The following THSD7B variants were observed in gnomAD, a reference collection of about 807,000 sequenced individuals.
The protein encoded by THSD7B is thrombospondin type 1 domain containing 7B.
In THSD7B, 138 loss-of-function variants were observed where a neutral mutation model predicts 213.6. The observed-to-expected ratio is 0.65, with a 90% CI of 0.56 to 0.74. The LOEUF is 0.74. Among genes scored for constraint, THSD7B ranks in the 30% least tolerant of loss-of-function variants. THSD7B has a pLI of 0.00. For missense variants in THSD7B, 1,931 were observed against 1,991.5 expected, an observed-to-expected ratio of 0.97 and a Z score of 0.58; for synonymous variants, 742 against 687.0, an observed-to-expected ratio of 1.08 and a Z score of -1.25.
At chr2:137,630,940 G>A (rs1386167966) in intron 20 of THSD7B, among the ~76,000 whole-genome samples, 1 of 152,184 alleles carries the variant, frequency 6.6e-6, no homozygotes, top group Non-Finnish European at 1.5e-5. Flanking sequence ...CATTCGCTGA[G>A]TTATTGGGCA....
rs1558737532 is a variant in THSD7B at position 137,271,421 on chromosome 2, AAT to A, written c.2267-1111_2267-1110del. ...TATATATATATGAATTATAATATAT[AAT>A]TATATAATATATATAATATAATATA... On this transcript the variant is annotated intron_variant, in intron 10 of 27. Coordinates refer to ENST00000409968, the MANE Select transcript of THSD7B (RefSeq NM_001316349.2). 9.3e-4 allele frequency among the ~76,000 whole-genome samples: 129 copies of A among 138,718 alleles called. 2 individuals are homozygous for A. In the East Asian group the frequency reaches 0.019, roughly 20 times the overall value. 91.0% of individuals were successfully genotyped at this position (138,718 alleles called of 152,430 possible). A position where few individuals can be genotyped will look rare whatever the true frequency, so the allele number is the denominator to read the frequency against.
intron 1 of THSD7B, among the ~76,000 whole-genome samples, chr2:136,841,006 C>T (rs1032292404): frequency 2.0e-5 from 3 of 152,076 alleles, no homozygotes; most frequent in East Asian, 3.9e-4. Flanking sequence ...ATACTATCAT[C>T]AGTGAGGCTA....
At chr2:137,414,858 C>T (rs927031723) in intron 14 of THSD7B, among the ~76,000 whole-genome samples, 2 of 152,040 alleles carry the variant, frequency 1.3e-5, no homozygotes, top group Non-Finnish European at 2.9e-5. Flanking sequence ...GACTTCAAGA[C>T]CAGCCTGGCC....
chr2:137,121,542 GATA>G, intron 5 of THSD7B, among the ~76,000 whole-genome samples: 1 of 152,172 alleles, frequency 6.6e-6, no homozygotes, highest in African/African-American at 2.4e-5. Context: ...CCTAGAACTA[GATA>G]TGAATATGGA....
chr2:137,202,745 T>C (rs1390534782), intron 7 of THSD7B, among the ~76,000 whole-genome samples: 1 of 152,138 alleles, frequency 6.6e-6, no homozygotes, highest in Non-Finnish European at 1.5e-5. Context: ...AGCAAATGCT[T>C]TGAGAAAAGA....
chr2:137,131,477 T>C, intron 5 of THSD7B, among the ~76,000 whole-genome samples: 1 of 152,218 alleles, frequency 6.6e-6, no homozygotes, highest in Non-Finnish European at 1.5e-5. Context: ...TGAATGGTAA[T>C]GCCTAGGTTT....
At chr2:136,975,319 T>TAC (rs1685462725) in intron 2 of THSD7B, among the ~76,000 whole-genome samples, 2 of 152,220 alleles carry the variant, frequency 1.3e-5, no homozygotes, top group Non-Finnish European at 2.9e-5. Flanking sequence ...CCTAGGGTTT[T>TAC]ATAGTTTTGG....
intron 15 of THSD7B, among the ~76,000 whole-genome samples, chr2:137,504,732 C>A (rs1481904748): frequency 3.9e-5 from 6 of 152,196 alleles, no homozygotes. Flanking sequence ...TGCTGCTTTG[C>A]TGATGAGGCG....
At chr2:137,298,573 C>G (rs141471439) in intron 12 of THSD7B, among the ~76,000 whole-genome samples, 2 of 152,238 alleles carry the variant, frequency 1.3e-5, no homozygotes, top group African/African-American at 4.8e-5. Flanking sequence ...ATCACAGGGC[C>G]AGAGGCCCAG....
chr2:137,077,022 G>A (rs1260774474), intron 3 of THSD7B, among the ~76,000 whole-genome samples: 1 of 125,632 alleles, frequency 8.0e-6, no homozygotes, highest in African/African-American at 3.2e-5. Flanking sequence ...TCCTCTTCCT[G>A]TTTCCATGTG....
At chr2:136,864,251 C>T (rs1380113358) in intron 1 of THSD7B, among the ~76,000 whole-genome samples, 1 of 152,082 alleles carries the variant, frequency 6.6e-6, no homozygotes, top group East Asian at 1.9e-4. Context: ...CCAAATTGTG[C>T]CACATTTGGT....
chr2:137,585,108 T>A (rs1168613180), intron 17 of THSD7B, among the ~76,000 whole-genome samples: 1 of 152,192 alleles, frequency 6.6e-6, no homozygotes, highest in East Asian at 1.9e-4. Flanking sequence ...TCTTCTAGAT[T>A]TTCTAGTTTA....
chr2:136,969,259 C>T (rs1685368596), intron 2 of THSD7B, among the ~76,000 whole-genome samples: 1 of 152,048 alleles, frequency 6.6e-6, no homozygotes, highest in Admixed American at 6.6e-5. Context: ...CAAGTCCTTC[C>T]CTGGTCTCTT....
At chr2:136,878,566 C>T (rs1683562862) in intron 1 of THSD7B, among the ~76,000 whole-genome samples, 2 of 152,000 alleles carry the variant, frequency 1.3e-5, no homozygotes. Flanking sequence ...TCTCCACATC[C>T]TCTCCAGCAC....
intron 12 of THSD7B, among the ~76,000 whole-genome samples, chr2:137,369,162 T>G: frequency 6.7e-6 from 1 of 148,536 alleles, no homozygotes; most frequent in Non-Finnish European, 1.5e-5. Context: ...TATATATATA[T>G]ATATATTTTT....
intron 1 of THSD7B, among the ~76,000 whole-genome samples, chr2:136,800,527 A>G (rs1443948722): frequency 6.6e-6 from 1 of 152,052 alleles, no homozygotes; most frequent in African/African-American, 2.4e-5. Context: ...AAAACGGGCA[A>G]CCAATAGAGA....
At chr2:137,050,246 T>C (rs776170738) in intron 2 of THSD7B, among the ~76,000 whole-genome samples, 21 of 152,208 alleles carry the variant, frequency 1.4e-4, no homozygotes, top group African/African-American at 2.7e-4. Context: ...GAAAGTAGCA[T>C]TCAAACCAGA....
At chr2:137,212,940 G>A (rs1023599374) in intron 7 of THSD7B, among the ~76,000 whole-genome samples, 6 of 150,028 alleles carry the variant, frequency 4.0e-5, no homozygotes, top group Non-Finnish European at 8.9e-5. Context: ...AAAAGTTCAA[G>A]GACAGGAATG....
At chr2:137,105,379 T>C (rs977249250) in intron 4 of THSD7B, among the ~76,000 whole-genome samples, 3 of 152,084 alleles carry the variant, frequency 2.0e-5, no homozygotes, top group African/African-American at 7.2e-5. Context: ...ATAAACTCAA[T>C]AAACTAGGTA....
Sources: allele counts gnomAD v4.1 joint callset (sites outside exome capture counted in the v4.1 genomes callset), GRCh38; gene constraint gnomAD v4.1.1; transcripts MANE v1.5; gene names NCBI Gene and HGNC (gene_info 2026-07-23, HGNC 2026-07-21).